KMT5A: variants seen among roughly 807,000 people sequenced by gnomAD.
The protein encoded by KMT5A is lysine methyltransferase 5A, also known as N-lysine methyltransferase KMT5A.
A neutral mutation model predicts 40.6 loss-of-function variants in KMT5A; 6 were observed. That is an observed-to-expected ratio of 0.15 (90% CI 0.08 to 0.29). The LOEUF (loss-of-function observed/expected upper bound fraction) is 0.29. KMT5A is among the 10% of genes least tolerant of loss of function. The pLI is 1.00. For missense variants in KMT5A, 308 were observed against 459.1 expected, an observed-to-expected ratio of 0.67 and a Z score of 3.01; for synonymous variants, 153 against 178.8, an observed-to-expected ratio of 0.86 and a Z score of 1.15.
At position 123,384,141 on chromosome 12, in the gene KMT5A, C is replaced by T; in HGVS notation, c.-58C>T. 6.2e-7 allele frequency: 1 copy of T among 1,608,636 alleles called. No individual in the cohort carries two copies. Among genetic ancestry groups the T allele is most frequent in the South Asian group, 1.1e-5 (1 of 90,212 alleles). On this transcript the variant is annotated 5_prime_UTR_variant, in exon 1 of 8. Transcript: ENST00000402868. This position sits in a 1 kb window ranked among gnomAD's most constrained non-coding sequence, Gnocchi z 5.7. ...GGCGGAGCAGTTGGCTGAGTTGTTGCAACTTTTTTCGAAAGCTGGGTTTCC... is the reference window on the plus strand; with the variant it reads ...GGCGGAGCAGTTGGCTGAGTTGTTGTAACTTTTTTCGAAAGCTGGGTTTCC...
intron 5 of KMT5A, among the ~76,000 whole-genome samples, chr12:123,399,523 A>T (rs28377694): frequency 3.3e-5 from 5 of 152,052 alleles, no homozygotes; most frequent in Non-Finnish European, 5.9e-5. Context: ...ACTCCCGTTT[A>T]CATGGGCCCC....
At chr12:123,396,212 A>G in intron 4 of KMT5A, 133 bp from the exon 5 acceptor site, 3 of 758,576 alleles carry the variant, frequency 4.0e-6, no homozygotes, top group South Asian at 3.4e-5. Context: ...TGCAGGCTCC[A>G]GTGGACAAAG....
Position 123,398,708 on chromosome 12 carries a change from G to T in KMT5A, c.597+2276G>T, listed in dbSNP as rs74663314. On this transcript the variant is annotated intron_variant, in intron 5 of 7. Transcript: ENST00000402868. ...AGGGCAGGGAGGCCATAGCTGGCCG[G>T]GATGACGTGGCTAGAGCTGGTCAGG... Among the ~76,000 whole-genome samples, 518 of 152,356 alleles carry T rather than the reference G, an allele frequency of 3.4e-3. 7 individuals are homozygous for T. The East Asian group carries it at 0.035, about 10-fold the overall frequency.
intron 2 of KMT5A, 70 bp from the exon 3 acceptor site, chr12:123,390,560 C>G: frequency 6.5e-7 from 1 of 1,545,614 alleles, no homozygotes; most frequent in South Asian, 1.2e-5. Context: ...CTTTTGTATT[C>G]CTCCTCCTCG....
At chr12:123,386,871 T>G (rs866327433) in intron 1 of KMT5A, among the ~76,000 whole-genome samples, 1 of 152,074 alleles carries the variant, frequency 6.6e-6, no homozygotes, top group Non-Finnish European at 1.5e-5. Context: ...TCTTTTTTTT[T>G]GGGAGACAGA....
chr12:123,406,666 T>C (rs1034838574), intron 7 of KMT5A, among the ~76,000 whole-genome samples: 1 of 152,068 alleles, frequency 6.6e-6, no homozygotes. Context: ...TTTCCTCCTG[T>C]GCCTCCATAA....
intron 2 of KMT5A, 82 bp downstream of exon 2, chr12:123,389,636 C>A: frequency 1.0e-6 from 1 of 967,562 alleles, no homozygotes; most frequent in Non-Finnish European, 1.2e-6. Context: ...CGGGTACCCG[C>A]CCGGGGCGCC....
rs374092405 is a variant in KMT5A, at chr12:123,385,517, A to G, written c.10+1309A>G. ...GTAGTGCATTAATTAATATATGAAG[A>G]AAACTAACCATCTATCATTGAAATA... On this transcript the variant is annotated intron_variant, in intron 1 of 7. Coordinates refer to ENST00000402868, the MANE Select transcript of KMT5A (RefSeq NM_020382.7). Among the ~76,000 whole-genome samples, 36 of 152,308 alleles carry G rather than the reference A, an allele frequency of 2.4e-4. No individual in the cohort carries two copies. The East Asian group carries it at 4.2e-3, about 18-fold the overall frequency.
intron 3 of KMT5A, among the ~76,000 whole-genome samples, chr12:123,393,282 G>A (rs992619005): frequency 2.6e-5 from 4 of 152,102 alleles, no homozygotes; most frequent in Non-Finnish European, 5.9e-5. Context: ...TATTCACAGG[G>A]TTGCGCAACC....
intron 5 of KMT5A, 112 bp downstream of exon 5, chr12:123,396,544 A>G: frequency 1.0e-6 from 1 of 972,482 alleles, no homozygotes. Flanking sequence ...ATCTTGGAGC[A>G]AGTCTCTTGG....
At chr12:123,397,167 C>T (rs1427071418) in intron 5 of KMT5A, among the ~76,000 whole-genome samples, 1 of 152,256 alleles carries the variant, frequency 6.6e-6, no homozygotes, top group African/African-American at 2.4e-5. Context: ...CTATGCGGGC[C>T]TCCGCTGCCA....
intron 2 of KMT5A, chr12:123,390,166 T>C (rs183149628): frequency 2.2e-6 from 1 of 464,038 alleles, no homozygotes. Flanking sequence ...GCTCCGGCGC[T>C]CATGGGGCTC....
In KMT5A at chr12:123,405,072, C is replaced by T. The variant is rs1309595600; in HGVS notation, c.846C>T (p.Tyr282=). The change falls in exon 7 of 8, where the codon TAC becomes TAT. Residue 282 remains tyrosine, a splice_region_variant and synonymous_variant. Transcript: ENST00000402868. ...ATTTTCAGTATCTGAGCAAAACCTA[C>T]TGGTGAGTCCACTGTTGCTTAGAGT... The part of the protein sequence containing the change: ...MYYFQYLSKT[Y]CVDATRETNR... The T allele has an allele frequency of 6.2e-7, 1 of 1,611,582 alleles. No individual in the cohort carries two copies. Among genetic ancestry groups the T allele is most frequent in the Admixed American group, 1.7e-5 (1 of 59,664 alleles).
At chr12:123,405,345 A>C (rs746257325) in intron 7 of KMT5A, among the ~76,000 whole-genome samples, 7 of 147,350 alleles carry the variant, frequency 4.8e-5, no homozygotes, top group Non-Finnish European at 7.5e-5. Flanking sequence ...TTTTTTCTGT[A>C]TTTTTAGTAG....
At position 123,395,177 on chromosome 12, in the gene KMT5A, T is replaced by C; in HGVS notation, c.420T>C (p.Thr140=). Residue 140 remains threonine (T), a synonymous_variant, in exon 4 of 8, where the codon ACT becomes ACC. Transcript: ENST00000402868. ...QKSEAAEPPK[T]PPSSCDSTNA... ...CTGAAGCAGCAGAACCTCCAAAAACTCCACCCTCATCTTGTGATTCCACCA... is the reference window on the plus strand; with the variant it reads ...CTGAAGCAGCAGAACCTCCAAAAACCCCACCCTCATCTTGTGATTCCACCA... 6.2e-7 allele frequency: 1 copy of C among 1,612,904 alleles called. No individual in the cohort carries two copies. The highest frequency in any genetic ancestry group is 8.5e-7 in the Non-Finnish European group (1 of 1,179,574).
chr12:123,397,202 G>A lies in KMT5A; in HGVS notation c.597+770G>A, dbSNP rs146848514. Among the ~76,000 whole-genome samples, 154 of 152,364 alleles carry A rather than the reference G, an allele frequency of 1.0e-3. 3 individuals carry two copies. In the East Asian group the frequency reaches 0.029, roughly 29 times the overall value. On this transcript the variant is annotated intron_variant, in intron 5 of 7. Transcript: ENST00000402868. Reference sequence around the variant, plus strand: ...ATGTTTGCAGAGGGTTGAGCTATGCGGCAGGCAGTCAATATTTGCTGCAGT... The same window carrying A: ...ATGTTTGCAGAGGGTTGAGCTATGCAGCAGGCAGTCAATATTTGCTGCAGT...
At chr12:123,389,630 T>G in intron 2 of KMT5A, 76 bp downstream of exon 2, 111 of 935,714 alleles carry the variant, frequency 1.2e-4, no homozygotes, top group East Asian at 1.9e-4. Flanking sequence ...CGACCCCGGG[T>G]ACCCGCCCGG....
chr12:123,397,074 A>G (rs750618193), intron 5 of KMT5A, among the ~76,000 whole-genome samples: 8 of 151,916 alleles, frequency 5.3e-5, no homozygotes, highest in Non-Finnish European at 1.0e-4. Flanking sequence ...CAGTGTTGTC[A>G]CTCCCGTCTG....
chr12:123,403,450 GC>G (rs1878324882), intron 5 of KMT5A, 122 bp from the exon 6 acceptor site: 4 of 983,154 alleles, frequency 4.1e-6, no homozygotes, highest in Non-Finnish European at 6.3e-6. Context: ...CCCCAGTGAT[GC>G]CAAATGAGGC....
Sources: gnomAD v4.1 joint callset for allele counts (sites outside exome capture counted in the v4.1 genomes callset) on GRCh38, gnomAD v4.1.1 for gene constraint, Gnocchi (gnomAD v3.1) non-coding constraint, MANE v1.5 for transcripts, NCBI Gene and HGNC (gene_info 2026-07-23, HGNC 2026-07-21) for gene names.